Variants in DENND5A observed in about 807,000 individuals in gnomAD.
The protein encoded by DENND5A is DENN domain containing 5A, also known as DENN domain-containing protein 5A.
A neutral mutation model predicts 140.3 loss-of-function variants in DENND5A; 64 were observed. The observed-to-expected ratio is 0.46, with a 90% CI of 0.37 to 0.56. DENND5A has a LOEUF of 0.56. Ranked by LOEUF, DENND5A falls within the 20% of genes least tolerant of loss-of-function variation. The probability of loss-of-function intolerance (pLI) is 0.00; values close to 1 mark genes in which losing one functional copy is unlikely to be tolerated. For synonymous variants in DENND5A, 605 were observed against 607.7 expected, an observed-to-expected ratio of 1.00 and a Z score of 0.07; for missense variants, 1,292 against 1,593.8, an observed-to-expected ratio of 0.81 and a Z score of 3.22.
intron 1 of DENND5A, among the ~76,000 whole-genome samples, chr11:9,221,249 G>C (rs1439555364): frequency 6.7e-6 from 1 of 149,892 alleles, no homozygotes; most frequent in East Asian, 2.1e-4. Context: ...TGGCCAACAT[G>C]GTGAAACCCT....
At chr11:9,144,788 CA>C (rs112911509) in intron 18 of DENND5A, among the ~76,000 whole-genome samples, 2,955 of 116,132 alleles carry the variant, frequency 0.025, 80 homozygotes, top group African/African-American at 0.079. Flanking sequence ...GACTCCGTCT[CA>C]AAAAAAAAAA....
intron 1 of DENND5A, among the ~76,000 whole-genome samples, chr11:9,229,894 C>T (rs1850689173): frequency 1.5e-5 from 2 of 137,306 alleles, no homozygotes; most frequent in Non-Finnish European, 3.1e-5. Flanking sequence ...TGAAAGCTCC[C>T]ATTTCTTTTT....
intron 1 of DENND5A, among the ~76,000 whole-genome samples, chr11:9,251,486 T>C (rs905720677): frequency 1.3e-5 from 2 of 152,160 alleles, no homozygotes; most frequent in Non-Finnish European, 2.9e-5. Flanking sequence ...ACTATACCTA[T>C]TGCCATCTTA....
At chr11:9,220,093 T>TA (rs1317477315) in intron 1 of DENND5A, among the ~76,000 whole-genome samples, 1 of 152,104 alleles carries the variant, frequency 6.6e-6, no homozygotes, top group Non-Finnish European at 1.5e-5. Flanking sequence ...ATGTCCCACC[T>TA]ATGTCAAAAA....
At chr11:9,161,239 T>C (rs1434036591) in intron 11 of DENND5A, among the ~76,000 whole-genome samples, 1 of 152,170 alleles carries the variant, frequency 6.6e-6, no homozygotes, top group East Asian at 1.9e-4. Context: ...TCCCAGCTAC[T>C]CAGGAGGCTG....
intron 1 of DENND5A, among the ~76,000 whole-genome samples, chr11:9,218,816 GC>G (rs1850199476): frequency 6.6e-6 from 1 of 152,096 alleles, no homozygotes; most frequent in Non-Finnish European, 1.5e-5. Flanking sequence ...GACCAAGCTA[GC>G]CAACATGGTG....
chr11:9,258,666 C>T (rs1021911177), intron 1 of DENND5A, among the ~76,000 whole-genome samples: 4 of 152,118 alleles, frequency 2.6e-5, no homozygotes, highest in African/African-American at 7.2e-5. Context: ...CTTGTTCCCC[C>T]CGCATCCACC....
intron 1 of DENND5A, among the ~76,000 whole-genome samples, chr11:9,228,091 C>G (rs1320416175): frequency 8.8e-6 from 1 of 114,014 alleles, no homozygotes; most frequent in Non-Finnish European, 1.6e-5. Context: ...CCAGCCTGGG[C>G]GATAGCAAGA....
At chr11:9,170,987 A>G in intron 8 of DENND5A, 2 of 804,044 alleles carry the variant, frequency 2.5e-6, no homozygotes, top group Non-Finnish European at 3.7e-6. Flanking sequence ...TCAGGCAATG[A>G]AGGGCAGGAC....
intron 12 of DENND5A, among the ~76,000 whole-genome samples, chr11:9,156,789 G>A (rs1462723563): frequency 1.3e-5 from 2 of 151,312 alleles, no homozygotes; most frequent in South Asian, 2.1e-4. Context: ...GTGACAGAGC[G>A]AGACTCTCGA....
chr11:9,170,291 T>A (rs1590228940), intron 9 of DENND5A: 4 of 984,866 alleles, frequency 4.1e-6, no homozygotes, highest in Non-Finnish European at 4.8e-6. Context: ...ACTTTTCAGT[T>A]CAGGTTCTGA....
chr11:9,147,156 T>G lies in DENND5A; in HGVS notation c.2736-5A>C, dbSNP rs1847459269. On this transcript the variant is annotated splice_polypyrimidine_tract_variant and splice_region_variant and intron_variant, in intron 15 of 22. Coordinates refer to ENST00000328194, the MANE Select transcript of DENND5A (RefSeq NM_015213.4). ...GCATAGCGCTTATATAACTTTCTGT[T>G]GGAGAGGAGGTAATACATCAGTCTC... The G allele has an allele frequency of 6.2e-7, 1 of 1,613,822 alleles. No individual in the cohort carries two copies. The highest frequency in any genetic ancestry group is 1.3e-5 in the African/African-American group (1 of 74,900).
intron 22 of DENND5A, among the ~76,000 whole-genome samples, 174 bp downstream of exon 22, chr11:9,141,766 G>C (rs529097028): frequency 8.5e-5 from 13 of 152,308 alleles, no homozygotes; most frequent in African/African-American, 3.1e-4. Flanking sequence ...ATTTTATGCA[G>C]TGTGTGACCA....
chr11:9,212,281 G>T (rs1186482720), intron 1 of DENND5A, among the ~76,000 whole-genome samples: 1 of 152,130 alleles, frequency 6.6e-6, no homozygotes, highest in Non-Finnish European at 1.5e-5. Flanking sequence ...CCTCAGAGAT[G>T]TGTGGGGCAA....
At chr11:9,233,982 A>C (rs1343097541) in intron 1 of DENND5A, among the ~76,000 whole-genome samples, 2 of 152,100 alleles carry the variant, frequency 1.3e-5, no homozygotes, top group Non-Finnish European at 2.9e-5. Flanking sequence ...GTTCGAGACC[A>C]GCCTGGCCAA....
chr11:9,259,849 C>T (rs1215253494), intron 1 of DENND5A, among the ~76,000 whole-genome samples: 2 of 151,810 alleles, frequency 1.3e-5, no homozygotes, highest in Middle Eastern at 3.2e-3. Flanking sequence ...ACCAACATGG[C>T]GAAATCCTGT....
intron 1 of DENND5A, among the ~76,000 whole-genome samples, chr11:9,225,433 CAT>C (rs1348015667): frequency 6.6e-6 from 1 of 152,152 alleles, no homozygotes; most frequent in Non-Finnish European, 1.5e-5. Flanking sequence ...TGTAACCTAA[CAT>C]ATTCTTAGTG....
intron 11 of DENND5A, among the ~76,000 whole-genome samples, chr11:9,165,608 T>A (rs1372125131): frequency 1.3e-5 from 2 of 152,164 alleles, no homozygotes; most frequent in Non-Finnish European, 2.9e-5. Flanking sequence ...CCCATCTTAA[T>A]ACTTTTGTAA....
chr11:9,154,523 T>C (rs1000118269), intron 12 of DENND5A, among the ~76,000 whole-genome samples: 1 of 150,990 alleles, frequency 6.6e-6, no homozygotes, highest in African/African-American at 2.5e-5. Context: ...CTTGATCTAC[T>C]CTGGGGAAAA....
Sources: gnomAD v4.1 joint callset for allele counts (sites outside exome capture counted in the v4.1 genomes callset) on GRCh38, gnomAD v4.1.1 for gene constraint, MANE v1.5 for transcripts, NCBI Gene and HGNC (gene_info 2026-07-23, HGNC 2026-07-21) for gene names.